MAP3K3: variants seen among roughly 807,000 people sequenced by gnomAD.
MAP3K3 encodes MAP/ERK kinase kinase 3.
In MAP3K3, 12 loss-of-function variants were observed where a neutral mutation model predicts 80.9. That is an observed-to-expected ratio of 0.15 (90% confidence interval 0.10 to 0.24). The LOEUF (loss-of-function observed/expected upper bound fraction) is 0.24. Ranked by LOEUF, MAP3K3 falls within the 10% of genes least tolerant of loss-of-function variation. The probability of loss-of-function intolerance (pLI) is 1.00; values close to 1 mark genes in which losing one functional copy is unlikely to be tolerated. For synonymous variants in MAP3K3, 272 were observed against 307.1 expected (o/e 0.89, Z 1.19); for missense variants, 596 against 834.7 (o/e 0.71, Z 3.52).
chr17:63,638,385 T>C (rs1411795834), intron 2 of MAP3K3, among the ~76,000 whole-genome samples: 1 of 152,202 alleles, frequency 6.6e-6, no homozygotes, highest in Non-Finnish European at 1.5e-5. Flanking sequence ...TGAGGCCTTT[T>C]TCAGGTCAAG....
chr17:63,654,313 A>G (rs1263958762), intron 4 of MAP3K3, among the ~76,000 whole-genome samples: 1 of 87,972 alleles, frequency 1.1e-5, no homozygotes, highest in Non-Finnish European at 2.6e-5. Flanking sequence ...TAGTGCAATC[A>G]TACAGTACGT....
At chr17:63,665,019 G>T (rs901609887) in intron 5 of MAP3K3, among the ~76,000 whole-genome samples, 1 of 152,088 alleles carries the variant, frequency 6.6e-6, no homozygotes, top group Admixed American at 6.5e-5. Flanking sequence ...ATCTCCACAG[G>T]CAGCTGGGCA....
At chr17:63,639,320 G>A (rs1051359783) in intron 2 of MAP3K3, among the ~76,000 whole-genome samples, 2 of 152,168 alleles carry the variant, frequency 1.3e-5, no homozygotes, top group African/African-American at 4.8e-5. Flanking sequence ...ATGATTAAAG[G>A]CCTAGGGGAA....
At chr17:63,665,711 A>G (rs931704632) in intron 5 of MAP3K3, among the ~76,000 whole-genome samples, 1 of 152,072 alleles carries the variant, frequency 6.6e-6, no homozygotes, top group Non-Finnish European at 1.5e-5. Flanking sequence ...GCAGAGAGCT[A>G]TTGCACATCG....
At position 63,688,599 on chromosome 17, in the gene MAP3K3, G is replaced by T; in HGVS notation, c.778+5G>T. The T allele has an allele frequency of 1.2e-6, 2 of 1,613,698 alleles. No individual in the cohort carries two copies. The highest frequency in any genetic ancestry group is 1.7e-6 in the Non-Finnish European group (2 of 1,179,622). On this transcript the variant is annotated splice_donor_5th_base_variant and intron_variant, in intron 9 of 15. Transcript: ENST00000361733. ...ACAACAGACAGGAATACTCAGGTGAGTTCCACAGAGCCTGGGTGGGTAATG... is the reference window on the plus strand; with the variant it reads ...ACAACAGACAGGAATACTCAGGTGATTTCCACAGAGCCTGGGTGGGTAATG...
chr17:63,649,744 A>C (rs575422243), intron 3 of MAP3K3, among the ~76,000 whole-genome samples: 1 of 152,366 alleles, frequency 6.6e-6, no homozygotes, highest in East Asian at 1.9e-4. Flanking sequence ...TTAAATTTAA[A>C]TAGTCATATG....
chr17:63,672,156 G>A (rs1168900911), intron 6 of MAP3K3, among the ~76,000 whole-genome samples: 5 of 151,828 alleles, frequency 3.3e-5, no homozygotes, highest in East Asian at 1.9e-4. Context: ...GGTGGCATGC[G>A]CCTGTAATCC....
At chr17:63,665,194 C>A (rs1453735571) in intron 5 of MAP3K3, among the ~76,000 whole-genome samples, 1 of 152,018 alleles carries the variant, frequency 6.6e-6, no homozygotes, top group South Asian at 2.1e-4. Flanking sequence ...ATCCCAGCTA[C>A]TCGGGAGGCC....
intron 5 of MAP3K3, among the ~76,000 whole-genome samples, chr17:63,660,877 T>C (rs1049541360): frequency 1.3e-5 from 2 of 152,200 alleles, no homozygotes; most frequent in Admixed American, 6.5e-5. Flanking sequence ...ATTACAGGCA[T>C]GAGCCACTGC....
At chr17:63,628,503 G>A (rs540035547) in intron 1 of MAP3K3, among the ~76,000 whole-genome samples, 11 of 151,654 alleles carry the variant, frequency 7.3e-5, no homozygotes, top group Admixed American at 3.3e-4. Context: ...TGGGATTACA[G>A]GCATGTGCCA....
chr17:63,652,981 C>A lies in MAP3K3; in HGVS notation c.267+325C>A, dbSNP rs371576369. 1.6e-4 allele frequency among the ~76,000 whole-genome samples: 25 copies of A among 152,156 alleles called. No individual in the cohort carries two copies. In the East Asian group the frequency reaches 1.7e-3, roughly 11 times the overall value. ...TGTAGGAGTATCTTATTTTTTTCCCCCCAGCACAGCCTTAACAAGAAGCAG... is the reference window on the plus strand; with the variant it reads ...TGTAGGAGTATCTTATTTTTTTCCCACCAGCACAGCCTTAACAAGAAGCAG... On this transcript the variant is annotated intron_variant, in intron 4 of 15. Transcript: ENST00000361733.
intron 2 of MAP3K3, among the ~76,000 whole-genome samples, chr17:63,643,703 T>C (rs2034489188): frequency 6.6e-6 from 1 of 152,098 alleles, no homozygotes; most frequent in Admixed American, 6.6e-5. Context: ...TGTATAACCC[T>C]CCCACAGGGG....
chr17:63,678,168 C>T (rs550484065), intron 6 of MAP3K3, among the ~76,000 whole-genome samples: 9 of 152,188 alleles, frequency 5.9e-5, no homozygotes, highest in Non-Finnish European at 1.3e-4. Flanking sequence ...TTGGGTTTCC[C>T]TCTGCGCAAT....
chr17:63,650,783 CTG>C (rs1458008425), intron 3 of MAP3K3, among the ~76,000 whole-genome samples: 11 of 150,846 alleles, frequency 7.3e-5, no homozygotes, highest in Admixed American at 6.6e-5. Flanking sequence ...CCCTGATCTC[CTG>C]GGCTCAAGTG....
chr17:63,649,227 A>G (rs1029773010), intron 3 of MAP3K3, among the ~76,000 whole-genome samples: 3 of 152,054 alleles, frequency 2.0e-5, no homozygotes, highest in Non-Finnish European at 2.9e-5. Flanking sequence ...ACCTGAGGTC[A>G]GGAGTTCCAG....
chr17:63,638,263 A>G (rs2034372181), intron 2 of MAP3K3, among the ~76,000 whole-genome samples: 1 of 152,088 alleles, frequency 6.6e-6, no homozygotes, highest in South Asian at 2.1e-4. Context: ...TCTCTTTGGC[A>G]AAATAAGGAC....
intron 8 of MAP3K3, chr17:63,688,099 C>T (rs990329909): frequency 1.2e-5 from 3 of 251,566 alleles, no homozygotes; most frequent in South Asian, 4.7e-5. Context: ...GTATTTGCTA[C>T]CTCACAGCGT....
rs758462712 is a variant in MAP3K3 at position 63,646,027 on chromosome 17, T to C, written c.127-7T>C. ...TTCTCTAACCTGTCTATCATTCTTT[T>C]TGGCAGAGTGACGTCAGAATCAAGT... is the stretch of plus-strand genomic sequence containing the variant. On this transcript the variant is annotated splice_region_variant and splice_polypyrimidine_tract_variant and intron_variant, in intron 2 of 15. Transcript: ENST00000361733. The C allele has an allele frequency of 2.0e-5, 32 of 1,613,662 alleles. No individual in the cohort carries two copies. In the East Asian group the frequency reaches 5.3e-4, roughly 27 times the overall value.
At chr17:63,665,744 C>A (rs1263252572) in intron 5 of MAP3K3, among the ~76,000 whole-genome samples, 2 of 152,186 alleles carry the variant, frequency 1.3e-5, no homozygotes, top group Non-Finnish European at 2.9e-5. Flanking sequence ...AGAACATTCA[C>A]TTCCCCCTTG....
Sources: allele counts gnomAD v4.1 joint callset (sites outside exome capture counted in the v4.1 genomes callset), GRCh38; gene constraint gnomAD v4.1.1; transcripts MANE v1.5; gene names NCBI Gene and HGNC (gene_info 2026-07-23, HGNC 2026-07-21).